TBCK: variants seen among roughly 807,000 people sequenced by gnomAD.
TBCK encodes TBC1 domain containing kinase.
In TBCK, 99 loss-of-function variants were observed where a neutral mutation model predicts 113.4. The ratio of observed to expected loss-of-function variants is 0.87; its 90% CI spans 0.74 to 1.03. The LOEUF is 1.03. Among genes scored for constraint, TBCK ranks in the 50% least tolerant of loss-of-function variants. TBCK has a pLI of 0.00. For synonymous variants in TBCK, 369 were observed against 370.8 expected, an observed-to-expected ratio of 1.00 and a Z score of 0.05; for missense variants, 1,045 against 1,061.3, an observed-to-expected ratio of 0.98 and a Z score of 0.21.
At position 106,113,671 on chromosome 4, in the gene TBCK, C is replaced by T. The variant is rs191316994; in HGVS notation, c.2411+2532G>A. ...ACAGCCCCAGAAAATGTGGCTTCCT[C>T]GGACGACATAGGCCCTGGACAGGAC... On this transcript the variant is annotated intron_variant, in intron 24 of 25. Coordinates refer to ENST00000394708, the MANE Select transcript of TBCK (RefSeq NM_001163435.3). 1.3e-4 allele frequency among the ~76,000 whole-genome samples: 20 copies of T among 152,268 alleles called. No homozygotes were observed. In the East Asian group the frequency reaches 3.3e-3, roughly 25 times the overall value.
intron 23 of TBCK, among the ~76,000 whole-genome samples, chr4:106,122,373 G>T (rs1309098358): frequency 6.6e-6 from 1 of 152,110 alleles, no homozygotes; most frequent in South Asian, 2.1e-4. Flanking sequence ...TGAAATTGTG[G>T]CAATAATCAA....
At chr4:106,314,162 C>T (rs1367102807) in intron 1 of TBCK, among the ~76,000 whole-genome samples, 2 of 151,956 alleles carry the variant, frequency 1.3e-5, no homozygotes, top group East Asian at 1.9e-4. Flanking sequence ...TGACAATGTA[C>T]AAGTAAATGT....
chr4:106,303,944 T>G (rs1767227601), intron 2 of TBCK, among the ~76,000 whole-genome samples: 1 of 152,088 alleles, frequency 6.6e-6, no homozygotes, highest in African/African-American at 2.4e-5. Context: ...ATGCTAGCAT[T>G]GCCATTTTTT....
chr4:106,276,460 C>T (rs1045791868), intron 3 of TBCK, among the ~76,000 whole-genome samples: 2 of 152,156 alleles, frequency 1.3e-5, no homozygotes, highest in African/African-American at 2.4e-5. Context: ...ACTTGTAGTC[C>T]CAGCTATTTG....
At chr4:106,154,706 T>G (rs756179544) in intron 23 of TBCK, among the ~76,000 whole-genome samples, 2 of 152,184 alleles carry the variant, frequency 1.3e-5, no homozygotes, top group Non-Finnish European at 2.9e-5. Flanking sequence ...CCTTGAGGCC[T>G]CCGCAAAGGC....
chr4:106,312,249 G>A (rs539878684), intron 1 of TBCK, among the ~76,000 whole-genome samples: 8 of 151,942 alleles, frequency 5.3e-5, no homozygotes, highest in East Asian at 1.9e-4. Flanking sequence ...ACCTGTATTC[G>A]GAGTCTATAA....
chr4:106,191,259 T>C (rs750662742), intron 22 of TBCK, among the ~76,000 whole-genome samples: 2 of 152,128 alleles, frequency 1.3e-5, no homozygotes, highest in African/African-American at 2.4e-5. Context: ...CATTTGTGGA[T>C]TACAGAATCT....
intron 25 of TBCK, among the ~76,000 whole-genome samples, chr4:106,069,976 T>C (rs1167202448): frequency 1.3e-5 from 2 of 152,324 alleles, no homozygotes; most frequent in East Asian, 3.9e-4. Context: ...CTTGTGATTT[T>C]TGCACATTGA....
intron 12 of TBCK, among the ~76,000 whole-genome samples, chr4:106,239,175 C>T (rs1231111959): frequency 6.6e-6 from 1 of 151,986 alleles, no homozygotes; most frequent in Non-Finnish European, 1.5e-5. Context: ...ATATTCAACT[C>T]CAGTCCACTC....
intron 8 of TBCK, 88 bp from the exon 9 acceptor site, chr4:106,248,394 T>A (rs529177520): frequency 2.0e-6 from 2 of 1,005,184 alleles, no homozygotes; most frequent in East Asian, 5.8e-5. Context: ...TAGAAGTTTT[T>A]GATGTTTTTA....
At chr4:106,095,706 A>G in intron 24 of TBCK, 65 bp from the exon 25 acceptor site, 2 of 1,479,270 alleles carry the variant, frequency 1.4e-6, no homozygotes, top group South Asian at 2.6e-5. Context: ...AGGGAAACTC[A>G]CAGAGCTAAG....
chr4:106,210,086 C>A (rs1755954704), intron 20 of TBCK, among the ~76,000 whole-genome samples: 1 of 152,052 alleles, frequency 6.6e-6, no homozygotes, highest in Admixed American at 6.5e-5. Flanking sequence ...CATTTACTGT[C>A]CTTTGTTCTA....
chr4:106,233,211 T>A, intron 16 of TBCK, 147 bp from the exon 17 acceptor site: 1 of 742,276 alleles, frequency 1.3e-6, no homozygotes, highest in Non-Finnish European at 2.1e-6. Context: ...ATTTTTTGAA[T>A]TTTTTAATTG....
intron 19 of TBCK, among the ~76,000 whole-genome samples, chr4:106,220,215 G>T (rs1271728325): frequency 6.6e-6 from 1 of 152,132 alleles, no homozygotes; most frequent in African/African-American, 2.4e-5. Flanking sequence ...TGAATCATGG[G>T]AGCTGCTCTT....
intron 23 of TBCK, among the ~76,000 whole-genome samples, chr4:106,170,318 A>C (rs1203089731): frequency 6.6e-6 from 1 of 152,120 alleles, no homozygotes; most frequent in East Asian, 1.9e-4. Context: ...GAAATATCTT[A>C]TAATCTTTCA....
At chr4:106,308,054 C>A (rs535216600) in intron 2 of TBCK, among the ~76,000 whole-genome samples, 1 of 152,150 alleles carries the variant, frequency 6.6e-6, no homozygotes, top group Non-Finnish European at 1.5e-5. Flanking sequence ...GATAATTCTT[C>A]TAAAGTTCCT....
intron 20 of TBCK, among the ~76,000 whole-genome samples, chr4:106,207,040 T>G (rs1267406893): frequency 2.0e-5 from 3 of 152,198 alleles, no homozygotes; most frequent in Admixed American, 1.3e-4. Context: ...AATCATACTT[T>G]CCTGATCTCA....
intron 3 of TBCK, among the ~76,000 whole-genome samples, chr4:106,264,436 G>A (rs7662291): frequency 0.16 from 24,262 of 151,894 alleles, 1,966 homozygotes; most frequent in South Asian, 0.25. Flanking sequence ...TATTCAGTGC[G>A]TGCAGTAGAA....
At chr4:106,237,099 A>G (rs1759562779) in intron 12 of TBCK, among the ~76,000 whole-genome samples, 1 of 152,062 alleles carries the variant, frequency 6.6e-6, no homozygotes, top group Admixed American at 6.6e-5. Context: ...AATTACTAGC[A>G]CTAGTATAAA....
Sources: allele counts gnomAD v4.1 joint callset (sites outside exome capture counted in the v4.1 genomes callset), GRCh38; gene constraint gnomAD v4.1.1; transcripts MANE v1.5; gene names NCBI Gene and HGNC (gene_info 2026-07-23, HGNC 2026-07-21).